The following CTBP2 variants were observed in gnomAD, a reference collection of about 807,000 sequenced individuals.
CTBP2 encodes C-terminal binding protein 2, also known as C-terminal-binding protein 2.
CTBP2 carries 30 observed loss-of-function variants against 80.3 expected under a neutral mutation model. The observed-to-expected ratio is 0.37, with a 90% CI of 0.28 to 0.51. The LOEUF is 0.51. CTBP2 is among the 20% of genes least tolerant of loss of function. CTBP2 has a pLI of 0.93. For missense variants in CTBP2, 1,212 were observed against 1,375.3 expected (o/e 0.88, Z 1.88); for synonymous variants, 594 against 587.4 (o/e 1.01, Z -0.16).
At chr10:124,994,047 A>G (rs1953105180) in intron 5 of CTBP2, 62 bp from the exon 8 acceptor site, 6 of 1,590,164 alleles carry the variant, frequency 3.8e-6, no homozygotes, top group Admixed American at 1.8e-5. Flanking sequence ...TCTTGTACCA[A>G]GGTTTAAAGA....
chr10:125,071,867 A>G (rs572436510), intron 2 of CTBP2, among the ~76,000 whole-genome samples: 1 of 152,174 alleles, frequency 6.6e-6, no homozygotes, highest in South Asian at 2.1e-4. Flanking sequence ...CAGAGGATGC[A>G]AGCAGGAAAC....
At chr10:125,155,461 C>T (rs1860752319) in intron 1 of CTBP2, among the ~76,000 whole-genome samples, 1 of 152,066 alleles carries the variant, frequency 6.6e-6, no homozygotes, top group East Asian at 1.9e-4. Flanking sequence ...TTCTGAATGC[C>T]CAAGTGCAGC....
chr10:125,097,968 A>G (rs997939463), intron 2 of CTBP2, among the ~76,000 whole-genome samples: 2 of 152,156 alleles, frequency 1.3e-5, no homozygotes, highest in African/African-American at 4.8e-5. Context: ...CATCTCTACT[A>G]AAAGTAGCTG....
At chr10:125,032,606 G>A (rs187392212), upstream of CTBP2, among the ~76,000 whole-genome samples, 1 of 152,300 alleles carries the variant, frequency 6.6e-6, no homozygotes, top group African/African-American at 2.4e-5. Flanking sequence ...GCCAAGGCAT[G>A]GCCGCTTAGC....
intron 3 of CTBP2, among the ~76,000 whole-genome samples, chr10:125,033,516 A>T (rs929831036): frequency 1.3e-5 from 2 of 152,208 alleles, no homozygotes; most frequent in Non-Finnish European, 2.9e-5. Context: ...AGCAAAATGT[A>T]TCTTGGGGTT....
In CTBP2 at chr10:125,062,978, A is replaced by G. The variant is rs147471497; in HGVS notation, c.-101-23823T>C. 3.0e-4 allele frequency among the ~76,000 whole-genome samples: 46 copies of G among 152,370 alleles called. 1 individual carries two copies. The highest frequency in any genetic ancestry group is 1.1e-3 in the African/African-American group (44 of 41,588). ...TGGCTGAACAGACAACTATGCTCAG[A>G]TGATCTTTCTGGCGTTCCAGTGAGC... On this transcript the variant is annotated intron_variant, in intron 2 of 10. Transcript: ENST00000337195.
intron 2 of CTBP2, among the ~76,000 whole-genome samples, chr10:125,046,348 C>A (rs1178711086): frequency 2.0e-5 from 3 of 151,962 alleles, no homozygotes; most frequent in Admixed American, 2.0e-4. Context: ...ACCAGCCTGG[C>A]CAACATGGTG....
chr10:125,105,024 C>G (rs949325431), intron 2 of CTBP2, among the ~76,000 whole-genome samples: 7 of 152,048 alleles, frequency 4.6e-5, no homozygotes, highest in African/African-American at 1.7e-4. Flanking sequence ...TTATTTGAGA[C>G]AGGGTCTGCC....
intron 2 of CTBP2, among the ~76,000 whole-genome samples, chr10:125,043,995 T>C (rs902209118): frequency 1.3e-5 from 2 of 152,360 alleles, no homozygotes; most frequent in African/African-American, 4.8e-5. Flanking sequence ...CAAAGTTCTC[T>C]GAGTGTGTCC....
intron 2 of CTBP2, among the ~76,000 whole-genome samples, chr10:125,050,754 C>T (rs1350466798): frequency 3.3e-5 from 5 of 152,196 alleles, no homozygotes; most frequent in Non-Finnish European, 7.3e-5. Flanking sequence ...GTACACCACC[C>T]CATTTTAACA....
chr10:125,155,265 T>G (rs938504110), intron 1 of CTBP2, among the ~76,000 whole-genome samples: 6 of 152,204 alleles, frequency 3.9e-5, no homozygotes, highest in African/African-American at 1.4e-4. Context: ...CGTCCACAGC[T>G]CCTGAAGTTT....
chr10:125,129,027 T>C (rs79830980), intron 1 of CTBP2, among the ~76,000 whole-genome samples: 41 of 152,302 alleles, frequency 2.7e-4, no homozygotes, highest in African/African-American at 9.4e-4. Context: ...ATACATCATG[T>C]GTGTGGCATG....
At chr10:125,116,533 T>C (rs889202037) in intron 1 of CTBP2, among the ~76,000 whole-genome samples, 1 of 152,116 alleles carries the variant, frequency 6.6e-6, no homozygotes, top group Admixed American at 6.5e-5. Flanking sequence ...AGCCGAGCTG[T>C]ATCAGAAGCC....
chr10:125,098,680 G>GAGAGAGAGACAGAGAGAGAGAC (rs1850001828), intron 2 of CTBP2, among the ~76,000 whole-genome samples: 1 of 132,254 alleles, frequency 7.6e-6, no homozygotes, highest in African/African-American at 3.1e-5. Flanking sequence ...GAGAGAGAGA[G>GAGAGAGAGACAGAGAGAGAGAC]AGAGAGAGAG....
chr10:125,045,079 G>A (rs980453971), intron 2 of CTBP2, among the ~76,000 whole-genome samples: 1 of 152,172 alleles, frequency 6.6e-6, no homozygotes, highest in Non-Finnish European at 1.5e-5. Flanking sequence ...CACAGTGATT[G>A]TATCTGGGTG....
In CTBP2 at chr10:125,038,962, G is replaced by T. The variant is rs371767702; in HGVS notation, c.58+35C>A. On this transcript the variant is annotated intron_variant, in intron 3 of 10. Transcript: ENST00000337195. ...AGCGAAGATTTGAGTGAGGGACTAC[G>T]TATGTTTGGTAAAAACCGCCAAACA... 7.5e-6 allele frequency: 12 copies of T among 1,606,394 alleles called. No individual in the cohort carries two copies. The Admixed American group carries it at 2.0e-4, about 27-fold the overall frequency.
chr10:125,021,448 A>C (rs1957030496), intron 1 of CTBP2, among the ~76,000 whole-genome samples: 1 of 152,198 alleles, frequency 6.6e-6, no homozygotes, highest in African/African-American at 2.4e-5. Flanking sequence ...CACGTCCAGG[A>C]GCCTGAAAGG....
At position 125,027,289 on chromosome 10, in the gene CTBP2, G is replaced by A. The variant is rs769001595; in HGVS notation, c.471C>T (p.Ala157=). ...GGTACAGGTGACCGGCGTCCTGCAG[G>A]GCAGGTGACCGGCCTTGCATTGGAT... The change falls in exon 1 of 9, where the codon GCC becomes GCT. Residue 157 remains alanine, a synonymous_variant. Coordinates refer to ENST00000309035, the MANE Select transcript of CTBP2 (RefSeq NM_022802.3). 4.0e-5 allele frequency: 64 copies of A among 1,613,662 alleles called. No individual in the cohort carries two copies. Among genetic ancestry groups the A allele is most frequent in the Non-Finnish European group, 5.2e-5 (61 of 1,179,984 alleles).
upstream of CTBP2, among the ~76,000 whole-genome samples, chr10:125,031,828 C>T (rs760780925): frequency 6.6e-6 from 1 of 152,244 alleles, no homozygotes; most frequent in Non-Finnish European, 1.5e-5. Flanking sequence ...CCACGCAACG[C>T]GCCAAAGGAA....
Sources: allele counts gnomAD v4.1 joint callset (sites outside exome capture counted in the v4.1 genomes callset), GRCh38; gene constraint gnomAD v4.1.1; transcripts MANE v1.5; gene names NCBI Gene and HGNC (gene_info 2026-07-23, HGNC 2026-07-21).